The following TLE2 variants were observed in gnomAD, a reference collection of about 807,000 sequenced individuals.
TLE2 encodes the protein transducin-like enhancer protein 2.
TLE2 carries 74 observed loss-of-function variants against 97.2 expected under a neutral mutation model. The ratio of observed to expected loss-of-function variants is 0.76; its 90% CI spans 0.63 to 0.92. The LOEUF is 0.92. Ranked by LOEUF, TLE2 falls within the 40% of genes least tolerant of loss-of-function variation. The pLI is 0.00. For missense variants in TLE2, 1,038 were observed against 1,008.7 expected, an observed-to-expected ratio of 1.03 and a Z score of -0.39; for synonymous variants, 499 against 432.1, an observed-to-expected ratio of 1.15 and a Z score of -1.92.
intron 1 of TLE2, among the ~76,000 whole-genome samples, chr19:3,037,721 A>G (rs1183873815): frequency 3.3e-5 from 5 of 152,150 alleles, no homozygotes; most frequent in African/African-American, 1.2e-4. Context: ...GAAGTCCCAG[A>G]GTGACAACGG....
chr19:3,031,384 G>GTGTA (rs1555694802), upstream of TLE2, among the ~76,000 whole-genome samples: 137 of 137,160 alleles, frequency 1.0e-3, no homozygotes, highest in African/African-American at 3.4e-3. Flanking sequence ...GTGTGTGTGT[G>GTGTA]TGTAGTACTC....
upstream of TLE2, among the ~76,000 whole-genome samples, chr19:3,046,802 T>C (rs1293786149): frequency 6.6e-6 from 1 of 151,654 alleles, no homozygotes; most frequent in Non-Finnish European, 1.5e-5. Context: ...AACAGGGTGT[T>C]AGAGCGGGAG....
chr19:3,000,561 C>T (rs1269492749), intron 19 of TLE2, 86 bp downstream of exon 19: 2 of 1,266,546 alleles, frequency 1.6e-6, no homozygotes, highest in African/African-American at 1.5e-5. Context: ...ACCTGGGGGA[C>T]AGGGACAGGG....
intron 14 of TLE2, 30 bp from the exon 15 acceptor site, chr19:3,006,699 C>T (rs1271183143): frequency 1.3e-6 from 2 of 1,559,076 alleles, no homozygotes; most frequent in East Asian, 2.3e-5. Flanking sequence ...ATGACCCAGC[C>T]CTGGGCACCA....
At position 3,013,719 on chromosome 19, in the gene TLE2, A is replaced by T; in HGVS notation, c.823T>A (p.Leu275Met). Residue 275 changes from leucine to methionine, a missense_variant, in exon 11 of 20, where the codon TTG becomes ATG. Physicochemically the swap from Leu to Met is conservative, Grantham distance 15 (BLOSUM62 2). Transcript: ENST00000262953. The stretch of plus-strand genomic sequence containing the variant: ...AGCGGTGAGCCAAGGCTAGAGGCCA[A>T]GGAGGCTGGACTGTCCACCAGGTCC... ...RRDLVDSPAS[L>M]ASSLGSPLPR... The T allele has an allele frequency of 6.5e-7, 1 of 1,540,438 alleles. No individual in the cohort carries two copies. Among genetic ancestry groups the T allele is most frequent in the Admixed American group, 2.0e-5 (1 of 49,992 alleles).
chr19:3,028,679 C>CGCGGCCACTGGG, intron 2 of TLE2, 27 bp downstream of exon 2: 1 of 1,611,212 alleles, frequency 6.2e-7, no homozygotes, highest in Non-Finnish European at 8.5e-7. Flanking sequence ...GGTGAACTCC[C>CGCGGCCACTGGG]GCGGCCCCTG....
Position 3,019,421 on chromosome 19 carries a change from G to T in TLE2, c.412C>A (p.Leu138Ile). 1 of 1,536,096 alleles carries T rather than the reference G, an allele frequency of 6.5e-7. No homozygotes were observed. The change falls in exon 7 of 20, where the codon CTC (leucine) becomes ATC (isoleucine). Residue 138 changes from leucine (L) to isoleucine (I), a missense_variant. Physicochemically the swap from Leu to Ile is conservative, Grantham distance 5. Transcript: ENST00000262953. This position sits in a 1 kb window ranked among gnomAD's most constrained non-coding sequence, Gnocchi z 5.1. ...PLSHHAPPVP[L>I]TPRPAGLVGG... ...ACCAGCCCGGCTGGGCGGGGGGTGA[G>T]GGGCACAGGGGGTGCGTGGTGGGAC...
chr19:3,027,207 G>A (rs1299636689), intron 4 of TLE2, among the ~76,000 whole-genome samples: 2 of 152,262 alleles, frequency 1.3e-5, no homozygotes, highest in Non-Finnish European at 2.9e-5. Context: ...ACACTGAGAA[G>A]CTCCAGAAGA....
chr19:3,000,568 A>G, intron 19 of TLE2, 79 bp downstream of exon 19: 4 of 1,342,490 alleles, frequency 3.0e-6, no homozygotes, highest in Non-Finnish European at 3.1e-6. Context: ...GGACAGGGAC[A>G]GGGGCAATCT....
Position 3,028,753 on chromosome 19 carries a change from G to T in TLE2, c.75C>A (p.Cys25Ter), listed in dbSNP as rs1223318845. Residue 25 changes from cysteine to a stop codon, truncating the protein, a stop_gained, in exon 2 of 20, where the codon TGC becomes TGA. Coordinates refer to ENST00000262953, the MANE Select transcript of TLE2 (RefSeq NM_003260.5). LOFTEE classifies it high-confidence loss of function. ...ACTGGAATTCTTCTTTGATGCGGTC[G>T]CAGATCTCCAAGATCGAGAACTTGA... ...QPFKFSILEI[C>*]DRIKEEFQFL... The T allele has an allele frequency of 9.3e-6, 15 of 1,612,816 alleles. No individual in the cohort carries two copies. The highest frequency in any genetic ancestry group is 1.3e-5 in the Non-Finnish European group (15 of 1,179,822).
chr19:3,009,198 G>A lies in TLE2; in HGVS notation c.1174-253C>T, dbSNP rs575869675. ...GATCCTGAAGGGTTCTCCATCCAATGCCCAGACTGGCTCTAGGCCAGGGTT... is the reference window on the plus strand; with the variant it reads ...GATCCTGAAGGGTTCTCCATCCAATACCCAGACTGGCTCTAGGCCAGGGTT... On this transcript the variant is annotated intron_variant, in intron 13 of 19. Coordinates refer to ENST00000262953, the MANE Select transcript of TLE2 (RefSeq NM_003260.5). Among the ~76,000 whole-genome samples the A allele has an allele frequency of 1.2e-4, 18 of 152,286 alleles. No homozygotes were observed. The South Asian group carries it at 3.7e-3, about 32-fold the overall frequency.
chr19:3,007,723 T>G (rs1454180690), intron 14 of TLE2, among the ~76,000 whole-genome samples: 2 of 152,150 alleles, frequency 1.3e-5, no homozygotes, highest in African/African-American at 4.8e-5. Flanking sequence ...CCAGACCAGC[T>G]AGAGGGTCTG....
intron 10 of TLE2, 64 bp from the exon 11 acceptor site, chr19:3,013,882 A>G: frequency 1.5e-6 from 2 of 1,352,060 alleles, no homozygotes; most frequent in South Asian, 2.3e-5. Context: ...TCCCTTCTCT[A>G]TCCTCCTCCC....
chr19:3,029,950 C>T (rs954029194), upstream of TLE2, among the ~76,000 whole-genome samples: 3 of 152,078 alleles, frequency 2.0e-5, no homozygotes, highest in African/African-American at 7.2e-5. Context: ...GTGTGCACCA[C>T]CACGCCCAGC....
rs1058721 is a variant in TLE2, at chr19:2,997,736, G to T, written c.*112C>A. On this transcript the variant is annotated 3_prime_UTR_variant, in exon 20 of 20. Coordinates refer to ENST00000262953, the MANE Select transcript of TLE2 (RefSeq NM_003260.5). ...GTGTGAAGCCGTTGGCCAGAGAGCA[G>T]ATGGGATGTACGGTTCCTAGGCAGG... 2.6e-6 allele frequency: 2 copies of T among 757,814 alleles called. No homozygotes were observed. Among genetic ancestry groups the T allele is most frequent in the Admixed American group, 4.3e-5 (2 of 46,130 alleles). 46.9% of individuals were successfully genotyped at this position (757,814 alleles called of 1,614,324 possible).
chr19:3,046,808 G>A (rs1599261475), upstream of TLE2, among the ~76,000 whole-genome samples: 1 of 151,896 alleles, frequency 6.6e-6, no homozygotes, highest in African/African-American at 2.4e-5. Context: ...GTGTTAGAGC[G>A]GGAGAGGTAA....
rs374441529 is a variant in TLE2 at position 3,019,716 on chromosome 19, G to A, written c.352C>T (p.Leu118=). ...ERAKQVTVGE[L]NSLIGQQLQP... The stretch of plus-strand genomic sequence containing the variant: ...AGACTCACCCCGATGAGGCTGTTCA[G>A]CTCCCCCACGGTGACCTGCTTGGCG... Residue 118 remains leucine, a synonymous_variant, in exon 6 of 20, where the codon CTG becomes TTG. Transcript: ENST00000262953. The surrounding 1 kb of genome is among the most constrained non-coding windows in gnomAD (Gnocchi z 5.1). 10 of 1,611,750 alleles carry A rather than the reference G, an allele frequency of 6.2e-6. No individual in the cohort carries two copies. In the African/African-American group the frequency reaches 1.2e-4, roughly 19 times the overall value.
Position 3,005,795 on chromosome 19 carries a change from G to T in TLE2, c.1674C>A (p.Asp558Glu). The part of the protein sequence containing the change: ...PACYALAVSP[D>E]AKVCFSCCSD... ...TGCAGCAGGAGAAGCAAACCTTGGC[G>T]TCGGGGCTGACGGCCAGGGCGTAGC... The change falls in exon 16 of 20, where the codon GAC (aspartate) becomes GAA (glutamate). Residue 558 changes from aspartate (D) to glutamate (E), a missense_variant. Asp to Glu is a conservative substitution (Grantham distance 45). Coordinates refer to ENST00000262953, the MANE Select transcript of TLE2 (RefSeq NM_003260.5). 1.2e-6 allele frequency: 2 copies of T among 1,614,008 alleles called. No individual in the cohort carries two copies. Among genetic ancestry groups the T allele is most frequent in the Non-Finnish European group, 1.7e-6 (2 of 1,179,864 alleles).
intron 1 of TLE2, among the ~76,000 whole-genome samples, chr19:3,037,186 G>A (rs1306478621): frequency 6.6e-6 from 1 of 152,220 alleles, no homozygotes; most frequent in Non-Finnish European, 1.5e-5. Context: ...TCAGGAGACT[G>A]AGGCAGGAGA....
Sources: allele counts gnomAD v4.1 joint callset (sites outside exome capture counted in the v4.1 genomes callset), GRCh38; gene constraint gnomAD v4.1.1; non-coding constraint Gnocchi (gnomAD v3.1); transcripts MANE v1.5; gene names NCBI Gene and HGNC (gene_info 2026-07-23, HGNC 2026-07-21).